UGT1A9: variants seen among roughly 807,000 people sequenced by gnomAD.
UGT1A9 encodes the protein UDP-glucuronosyltransferase 1A9.
In UGT1A9, 35 loss-of-function variants were observed where a neutral mutation model predicts 45.0. The observed-to-expected ratio is 0.78, with a 90% CI of 0.59 to 1.03. The LOEUF (loss-of-function observed/expected upper bound fraction) is 1.03, where lower values mean the gene tolerates loss of function less well. Ranked by LOEUF, UGT1A9 falls within the 50% of genes least tolerant of loss-of-function variation. UGT1A9 has a pLI of 0.00. For missense variants in UGT1A9, 687 were observed against 666.6 expected (o/e 1.03, Z -0.34); for synonymous variants, 278 against 250.6 (o/e 1.11, Z -1.03).
chr2:233,723,584 A>C (rs1403831697), intron 1 of UGT1A9, among the ~76,000 whole-genome samples: 1 of 77,864 alleles, frequency 1.3e-5, no homozygotes, highest in Non-Finnish European at 2.3e-5. Context: ...ACAGAGGGGG[A>C]TTTGGCAGGG....
intron 1 of UGT1A9, chr2:233,729,151 C>T (rs780105483): frequency 1.2e-6 from 2 of 1,613,562 alleles, no homozygotes; most frequent in Non-Finnish European, 1.7e-6. Flanking sequence ...CCAGGTTCCC[C>T]TGCCGTGGCT....
In UGT1A9 at chr2:233,772,200, TAAAG is replaced by T. The variant is rs1700482093; in HGVS notation, c.1296-60_1296-57del. On this transcript the variant is annotated intron_variant, in intron 4 of 4. Coordinates refer to ENST00000354728, the MANE Select transcript of UGT1A9 (RefSeq NM_021027.3). ...TAGTCTTCTTAAGCAGCCATGAGCATAAAGAGAGGATTGTTCATACCACAGGTGT... is the reference window on the plus strand; with the variant it reads ...TAGTCTTCTTAAGCAGCCATGAGCATAGAGGATTGTTCATACCACAGGTGT... The T allele has an allele frequency of 6.8e-6, 11 of 1,606,074 alleles. No individual in the cohort carries two copies. In the South Asian group the frequency reaches 1.0e-4, roughly 15 times the overall value.
At chr2:233,692,067 G>A (rs2075076181) in intron 1 of UGT1A9, 1 of 150,926 alleles carries the variant, frequency 6.6e-6, no homozygotes, top group Admixed American at 6.6e-5. Flanking sequence ...GGGAAGAAAG[G>A]AGAGAGAGAT....
chr2:233,753,309 CCT>C (rs1299890388), intron 1 of UGT1A9: 3 of 152,212 alleles, frequency 2.0e-5, no homozygotes, highest in African/African-American at 7.2e-5. Context: ...CCCGTGTGCC[CCT>C]GTGGGATGGT....
chr2:233,692,805 G>A, intron 1 of UGT1A9: 7 of 1,407,880 alleles, frequency 5.0e-6, no homozygotes, highest in Non-Finnish European at 6.5e-6. Context: ...CACGGCCATA[G>A]TTGGTTCATA....
At chr2:233,765,957 T>C (rs1248795427) in intron 1 of UGT1A9, among the ~76,000 whole-genome samples, 3 of 151,920 alleles carry the variant, frequency 2.0e-5, no homozygotes, top group Non-Finnish European at 2.9e-5. Flanking sequence ...TCACCGGCAG[T>C]GTCTAGAGGT....
chr2:233,741,432 C>T (rs1352002109), intron 1 of UGT1A9: 1 of 151,408 alleles, frequency 6.6e-6, no homozygotes, highest in Non-Finnish European at 1.5e-5. Flanking sequence ...AGCAAACCTA[C>T]TCAGCAAACT....
At chr2:233,761,982 G>T (rs1310969194) in intron 1 of UGT1A9, among the ~76,000 whole-genome samples, 1 of 152,142 alleles carries the variant, frequency 6.6e-6, no homozygotes, top group Non-Finnish European at 1.5e-5. Context: ...ACCTTCGGAG[G>T]TGACCTTATT....
At position 233,769,603 on chromosome 2, in the gene UGT1A9, G is replaced by T; in HGVS notation, c.1295+1164G>T. 1 of 1,612,818 alleles carries T rather than the reference G, an allele frequency of 6.2e-7. No individual in the cohort carries two copies. Among genetic ancestry groups the T allele is most frequent in the Non-Finnish European group, 8.5e-7 (1 of 1,179,870 alleles). On this transcript the variant is annotated intron_variant, in intron 4 of 4. Transcript: ENST00000354728. The surrounding 1 kb of genome is among the most constrained non-coding windows in gnomAD (Gnocchi z 4.4). Reference sequence around the variant, plus strand: ...CAGATGAGAGGAGACGGAACACGGGGACACACCAGCTTGAGCAAGGGACAA... The same window carrying T: ...CAGATGAGAGGAGACGGAACACGGGTACACACCAGCTTGAGCAAGGGACAA...
intron 1 of UGT1A9, among the ~76,000 whole-genome samples, chr2:233,766,787 C>G (rs1296978407): frequency 6.6e-6 from 1 of 152,170 alleles, no homozygotes; most frequent in Non-Finnish European, 1.5e-5. Flanking sequence ...TTTTGGAAAA[C>G]TAGCACATTA....
intron 1 of UGT1A9, among the ~76,000 whole-genome samples, chr2:233,717,257 G>A (rs1281570889): frequency 6.6e-6 from 1 of 152,168 alleles, no homozygotes; most frequent in Non-Finnish European, 1.5e-5. Context: ...TAAGGGGGTT[G>A]GAGGAATAGT....
At chr2:233,719,310 T>C in intron 1 of UGT1A9, 6 of 1,613,982 alleles carry the variant, frequency 3.7e-6, no homozygotes, top group Non-Finnish European at 5.1e-6. Context: ...GCTGGCTAAG[T>C]ACCTGTCGAT....
intron 1 of UGT1A9, among the ~76,000 whole-genome samples, chr2:233,719,840 T>A (rs2076807243): frequency 6.6e-6 from 1 of 152,240 alleles, no homozygotes; most frequent in South Asian, 2.1e-4. Flanking sequence ...GCCTAGTGTA[T>A]TTCAAGTTTT....
chr2:233,716,533 C>T (rs1284629795), intron 1 of UGT1A9, among the ~76,000 whole-genome samples: 2 of 152,142 alleles, frequency 1.3e-5, no homozygotes, highest in South Asian at 2.1e-4. Flanking sequence ...TCAATTATCT[C>T]CTTTCTCTCC....
At position 233,677,470 on chromosome 2, in the gene UGT1A9, T is replaced by C. The variant is rs111818188; in HGVS notation, c.855+4681T>C. Among the ~76,000 whole-genome samples, 1,389 of 152,292 alleles carry C rather than the reference T, an allele frequency of 9.1e-3. 20 individuals are homozygous for C. The highest frequency in any genetic ancestry group is 0.031 in the African/African-American group (1,307 of 41,556). ...AAAGCCTTGCCAATACCATAAACAG[T>C]CAATTAACACATAGTTTGTATGTTA... On this transcript the variant is annotated intron_variant, in intron 1 of 4. Transcript: ENST00000354728.
intron 1 of UGT1A9, among the ~76,000 whole-genome samples, chr2:233,745,089 C>T (rs542765504): frequency 6.6e-6 from 1 of 151,622 alleles, no homozygotes; most frequent in African/African-American, 2.4e-5. Context: ...ATTGCTCTTC[C>T]CCCCAAATAT....
chr2:233,760,174 G>A (rs1178243322), intron 1 of UGT1A9: 18 of 1,539,292 alleles, frequency 1.2e-5, no homozygotes, highest in Non-Finnish European at 1.5e-5. Flanking sequence ...TGGACTGACA[G>A]CTTTTTATAG....
chr2:233,687,329 T>C (rs191504719), intron 1 of UGT1A9, among the ~76,000 whole-genome samples: 1 of 152,192 alleles, frequency 6.6e-6, no homozygotes, highest in African/African-American at 2.4e-5. Flanking sequence ...CAAGTTTCCC[T>C]TGAATGATTT....
chr2:233,764,106 T>G (rs966057827), intron 1 of UGT1A9, among the ~76,000 whole-genome samples: 1 of 152,214 alleles, frequency 6.6e-6, no homozygotes, highest in Non-Finnish European at 1.5e-5. Flanking sequence ...AAATACAAAA[T>G]TCTTGGTAAA....
Sources: allele counts gnomAD v4.1 joint callset (sites outside exome capture counted in the v4.1 genomes callset), GRCh38; gene constraint gnomAD v4.1.1; non-coding constraint Gnocchi (gnomAD v3.1); transcripts MANE v1.5; gene names NCBI Gene and HGNC (gene_info 2026-07-23, HGNC 2026-07-21).